MRPL48: variants seen among roughly 807,000 people sequenced by gnomAD.
MRPL48 encodes the protein mitochondrial ribosomal protein L48.
In MRPL48, 16 loss-of-function variants were observed where a neutral mutation model predicts 32.9. The observed-to-expected ratio is 0.49, with a 90% CI of 0.33 to 0.74. MRPL48 has a LOEUF of 0.74. Among genes scored for constraint, MRPL48 ranks in the 30% least tolerant of loss-of-function variants. The pLI, the probability that MRPL48 is intolerant of heterozygous loss-of-function variation, is 0.02. For missense variants in MRPL48, 206 were observed against 245.3 expected, an observed-to-expected ratio of 0.84 and a Z score of 1.07; for synonymous variants, 94 against 89.2, an observed-to-expected ratio of 1.05 and a Z score of -0.31.
intron 1 of MRPL48, among the ~76,000 whole-genome samples, chr11:73,791,052 A>G (rs1247865033): frequency 6.6e-6 from 1 of 150,548 alleles, no homozygotes; most frequent in South Asian, 2.1e-4. Context: ...CGCCTGGCTA[A>G]TTTTTGTATT....
chr11:73,861,358 G>C lies in MRPL48; in HGVS notation c.474+1349G>C, dbSNP rs547645310. Among the ~76,000 whole-genome samples the C allele has an allele frequency of 2.7e-5, 4 of 150,716 alleles. No individual in the cohort carries two copies. The East Asian group carries it at 7.8e-4, about 29-fold the overall frequency. ...CTCCAGCCACACGTGGAGCTAGTTT[G>C]TTTTTTTTTGTTTGTTTGTTTGTTT... On this transcript the variant is annotated intron_variant, in intron 6 of 7. Coordinates refer to ENST00000310614, the MANE Select transcript of MRPL48 (RefSeq NM_016055.6).
In MRPL48 at chr11:73,848,285, T is replaced by G. The variant is rs553543404; in HGVS notation, c.371+3309T>G. ...ACCTTTTTTGACAGCCAGTTGACCATGTATATGTGGGTCTATTTCTCTGCT... is the reference window on the plus strand; with the variant it reads ...ACCTTTTTTGACAGCCAGTTGACCAGGTATATGTGGGTCTATTTCTCTGCT... On this transcript the variant is annotated intron_variant, in intron 5 of 7. Transcript: ENST00000310614. Among the ~76,000 whole-genome samples, 4 of 152,246 alleles carry G rather than the reference T, an allele frequency of 2.6e-5. No homozygotes were observed. In the East Asian group the frequency reaches 7.7e-4, roughly 29 times the overall value.
chr11:73,818,679 G>T (rs1290690896), intron 3 of MRPL48, among the ~76,000 whole-genome samples: 1 of 152,094 alleles, frequency 6.6e-6, no homozygotes, highest in Non-Finnish European at 1.5e-5. Flanking sequence ...CTTCTTCGCT[G>T]GGGGCTACCC....
chr11:73,831,313 C>G (rs1028322635), intron 4 of MRPL48, among the ~76,000 whole-genome samples: 1 of 152,166 alleles, frequency 6.6e-6, no homozygotes, highest in Non-Finnish European at 1.5e-5. Flanking sequence ...TTTCAGCTCG[C>G]TTACAGTATG....
rs142342235 is a variant in MRPL48 at position 73,811,091 on chromosome 11, G to A, written c.112+2741G>A. Among the ~76,000 whole-genome samples the A allele has an allele frequency of 1.3e-3, 205 of 152,324 alleles. 3 individuals carry two copies. Among genetic ancestry groups the A allele is most frequent in the African/African-American group, 4.7e-3 (197 of 41,590 alleles). ...ATGAAGCTGAGAAAGAGAGACCATA[G>A]TGGAGAAAACCTGGATAGTATAGTA... On this transcript the variant is annotated intron_variant, in intron 3 of 7. Coordinates refer to ENST00000310614, the MANE Select transcript of MRPL48 (RefSeq NM_016055.6).
At chr11:73,795,452 A>G (rs1947237633) in intron 1 of MRPL48, among the ~76,000 whole-genome samples, 1 of 151,932 alleles carries the variant, frequency 6.6e-6, no homozygotes, top group Non-Finnish European at 1.5e-5. Context: ...GAGCAGTCAT[A>G]AAAGTTTTCT....
At chr11:73,850,452 C>T (rs1292649312) in intron 5 of MRPL48, 1 of 310,990 alleles carries the variant, frequency 3.2e-6, no homozygotes, top group African/African-American at 2.3e-5. Flanking sequence ...AAAAAAAAAT[C>T]TCTCTTTCTT....
At position 73,818,450 on chromosome 11, in the gene MRPL48, A is replaced by T. The variant is rs562934765; in HGVS notation, c.113-7258A>T. ...CCAAGTAGTTCAGTGTAATTAGAAC[A>T]ACTGAAAGAAATTTGAAAAGAAATT... On this transcript the variant is annotated intron_variant, in intron 3 of 7. Coordinates refer to ENST00000310614, the MANE Select transcript of MRPL48 (RefSeq NM_016055.6). Among the ~76,000 whole-genome samples, 5 of 152,392 alleles carry T rather than the reference A, an allele frequency of 3.3e-5. No individual in the cohort carries two copies. The South Asian group carries it at 1.0e-3, about 32-fold the overall frequency.
chr11:73,854,459 G>C (rs1030044020), intron 5 of MRPL48, among the ~76,000 whole-genome samples: 1 of 152,092 alleles, frequency 6.6e-6, no homozygotes, highest in African/African-American at 2.4e-5. Flanking sequence ...GCTAATTTTT[G>C]TATTTTTAGT....
intron 5 of MRPL48, among the ~76,000 whole-genome samples, chr11:73,848,077 AC>A (rs1948327011): frequency 6.6e-6 from 1 of 152,150 alleles, no homozygotes; most frequent in Admixed American, 6.5e-5. Context: ...TTGCAAAAAA[AC>A]ATTTTCCTAT....
Position 73,864,567 on chromosome 11 carries a change from G to C in MRPL48, c.*197G>C, listed in dbSNP as rs1289198662. On this transcript the variant is annotated 3_prime_UTR_variant, in exon 8 of 8. Transcript: ENST00000310614. ...ACCACTTACCTATGAGGTAATGCTT[G>C]TTATCTTCCATCTAATAAAAATCTG... 3.4e-6 allele frequency: 2 copies of C among 592,898 alleles called. No individual in the cohort carries two copies. The highest frequency in any genetic ancestry group is 5.6e-5 in the East Asian group (2 of 35,846). 36.7% of individuals were successfully genotyped at this position (592,898 alleles called of 1,614,324 possible). A position where few individuals can be genotyped will look rare whatever the true frequency, so the allele number is the denominator to read the frequency against.
chr11:73,788,054 T>G, intron 1 of MRPL48, 62 bp downstream of exon 1: 1 of 1,598,546 alleles, frequency 6.3e-7, no homozygotes, highest in Non-Finnish European at 8.5e-7. Flanking sequence ...AGAGGGGAGA[T>G]GGCGGAGGGT....
At chr11:73,820,045 G>T (rs1565413732) in intron 3 of MRPL48, among the ~76,000 whole-genome samples, 3 of 152,148 alleles carry the variant, frequency 2.0e-5, no homozygotes, top group African/African-American at 7.2e-5. Context: ...GAGGGTGTAG[G>T]TGCAGATCAA....
At chr11:73,804,134 G>A (rs1947405028) in intron 1 of MRPL48, among the ~76,000 whole-genome samples, 1 of 151,992 alleles carries the variant, frequency 6.6e-6, no homozygotes, top group African/African-American at 2.4e-5. Context: ...TGGCCGGGCT[G>A]GTCTTGAACT....
intron 1 of MRPL48, among the ~76,000 whole-genome samples, chr11:73,799,237 A>T (rs72989228): frequency 0.094 from 14,343 of 152,132 alleles, 801 homozygotes; most frequent in South Asian, 0.26. Context: ...CTGTAGTCCC[A>T]GCTACTTGGG....
At chr11:73,791,958 A>G (rs1367051243) in intron 1 of MRPL48, among the ~76,000 whole-genome samples, 1 of 152,076 alleles carries the variant, frequency 6.6e-6, no homozygotes, top group African/African-American at 2.4e-5. Context: ...CGGTCTCACT[A>G]TGTTGCCCAG....
intron 2 of MRPL48, among the ~76,000 whole-genome samples, chr11:73,807,010 C>T (rs1947465954): frequency 6.6e-6 from 1 of 152,042 alleles, no homozygotes; most frequent in South Asian, 2.1e-4. Flanking sequence ...GCTGGGGTTA[C>T]AGGCGCCCAC....
chr11:73,860,222 T>G (rs1389510994), intron 6 of MRPL48: 2 of 462,398 alleles, frequency 4.3e-6, no homozygotes, highest in African/African-American at 4.0e-5. Context: ...CATTTAATAC[T>G]GATAACCCCC....
chr11:73,846,067 CAAAAAA>C (rs749259766), intron 5 of MRPL48, among the ~76,000 whole-genome samples: 5 of 57,822 alleles, frequency 8.6e-5, no homozygotes, highest in Admixed American at 2.1e-4. Flanking sequence ...GACCCTGTCT[CAAAAAA>C]AAAAAAAAAA....
Sources: gnomAD v4.1 joint callset for allele counts (sites outside exome capture counted in the v4.1 genomes callset) on GRCh38, gnomAD v4.1.1 for gene constraint, MANE v1.5 for transcripts, NCBI Gene and HGNC (gene_info 2026-07-23, HGNC 2026-07-21) for gene names.